The following KCNT2 variants were observed in gnomAD, a reference collection of about 807,000 sequenced individuals.
KCNT2 encodes potassium sodium-activated channel subfamily T member 2, also known as potassium channel subfamily T member 2.
KCNT2 carries 67 observed loss-of-function variants against 153.8 expected under a neutral mutation model. The observed-to-expected ratio is 0.44, with a 90% CI of 0.36 to 0.53. The LOEUF (loss-of-function observed/expected upper bound fraction) is 0.53, where lower values mean the gene tolerates loss of function less well. Ranked by LOEUF, KCNT2 falls within the 20% of genes least tolerant of loss-of-function variation. The probability of loss-of-function intolerance (pLI) is 0.00; values close to 1 mark genes in which losing one functional copy is unlikely to be tolerated. For missense variants in KCNT2, 975 were observed against 1,354.8 expected (o/e 0.72, Z 4.40); for synonymous variants, 500 against 458.8 (o/e 1.09, Z -1.15).
intron 22 of KCNT2, among the ~76,000 whole-genome samples, chr1:196,295,158 G>GTA (rs758203227): frequency 2.5e-4 from 38 of 151,154 alleles, no homozygotes; most frequent in African/African-American, 8.0e-4. Flanking sequence ...GTATATATGT[G>GTA]TATATATATA....
intron 1 of KCNT2, among the ~76,000 whole-genome samples, chr1:196,566,327 G>T (rs1180216525): frequency 6.6e-6 from 1 of 151,980 alleles, no homozygotes; most frequent in African/African-American, 2.4e-5. Flanking sequence ...GATTACATAG[G>T]CAATTTGGTG....
In KCNT2 at chr1:196,542,189, G is replaced by A. The variant is rs530708421; in HGVS notation, c.96-49848C>T. Among the ~76,000 whole-genome samples the A allele has an allele frequency of 2.0e-3, 305 of 152,166 alleles. 1 individual carries two copies. The highest frequency in any genetic ancestry group is 6.6e-3 in the African/African-American group (275 of 41,546). ...CATTTACACTAACCCAAAATCCGCC[G>A]AAAGTCTAGTAAGAGAATATAGTTT... On this transcript the variant is annotated intron_variant, in intron 1 of 27. Coordinates refer to ENST00000294725, the MANE Select transcript of KCNT2 (RefSeq NM_198503.5).
intron 13 of KCNT2, among the ~76,000 whole-genome samples, chr1:196,385,772 A>T (rs6657532): frequency 0.024 from 3,524 of 148,508 alleles, 136 homozygotes; most frequent in African/African-American, 0.081. Context: ...GCATTAAAAA[A>T]ATATATATAT....
chr1:196,325,028 T>C (rs1357401889), intron 19 of KCNT2, among the ~76,000 whole-genome samples: 6 of 152,036 alleles, frequency 3.9e-5, no homozygotes, highest in Non-Finnish European at 7.4e-5. Context: ...ATGGTGAAAA[T>C]GGAGACTTAG....
intron 1 of KCNT2, among the ~76,000 whole-genome samples, chr1:196,511,528 C>T (rs933564949): frequency 2.0e-5 from 3 of 152,122 alleles, no homozygotes; most frequent in African/African-American, 4.8e-5. Flanking sequence ...CATAATGAGA[C>T]TTATAATTAG....
intron 13 of KCNT2, among the ~76,000 whole-genome samples, chr1:196,377,585 C>T (rs189261930): frequency 6.6e-6 from 1 of 152,028 alleles, no homozygotes; most frequent in Non-Finnish European, 1.5e-5. Context: ...TGTTTGTTCA[C>T]AGCACCTTGC....
At chr1:196,261,475 A>G (rs1321228272) in intron 25 of KCNT2, among the ~76,000 whole-genome samples, 1 of 151,944 alleles carries the variant, frequency 6.6e-6, no homozygotes, top group Non-Finnish European at 1.5e-5. Flanking sequence ...ATAAATATTC[A>G]TATTTTATGG....
At chr1:196,468,291 T>C (rs1677785531) in intron 6 of KCNT2, among the ~76,000 whole-genome samples, 1 of 152,090 alleles carries the variant, frequency 6.6e-6, no homozygotes, top group African/African-American at 2.4e-5. Context: ...ATCACTCAAA[T>C]TAAAATAATT....
chr1:196,587,643 A>G (rs1217842494), intron 1 of KCNT2, among the ~76,000 whole-genome samples: 1 of 152,076 alleles, frequency 6.6e-6, no homozygotes, highest in Non-Finnish European at 1.5e-5. Context: ...AATAATCTAT[A>G]GACATATTTT....
intron 25 of KCNT2, among the ~76,000 whole-genome samples, chr1:196,266,154 A>G (rs1316891589): frequency 6.6e-6 from 1 of 152,168 alleles, no homozygotes; most frequent in Non-Finnish European, 1.5e-5. Flanking sequence ...AAAGGCAGGT[A>G]AGTTTGCTGA....
chr1:196,480,855 CAA>C (rs372270510), intron 4 of KCNT2, among the ~76,000 whole-genome samples: 254 of 26,780 alleles, frequency 9.5e-3, no homozygotes, highest in African/African-American at 0.03. Flanking sequence ...GACTTCGTCT[CAA>C]AAAAAAAAAA....
intron 1 of KCNT2, among the ~76,000 whole-genome samples, chr1:196,526,444 T>G (rs1373610975): frequency 2.6e-5 from 4 of 151,550 alleles, no homozygotes; most frequent in African/African-American, 9.7e-5. Context: ...AACCTTACCA[T>G]GTAGGTTTTT....
At chr1:196,285,378 T>C (rs1659559384) in intron 23 of KCNT2, among the ~76,000 whole-genome samples, 1 of 152,202 alleles carries the variant, frequency 6.6e-6, no homozygotes, top group African/African-American at 2.4e-5. Context: ...ATGCAAAATG[T>C]ACTAAAATGT....
chr1:196,550,713 C>A (rs1198949582), intron 1 of KCNT2, among the ~76,000 whole-genome samples: 2 of 151,788 alleles, frequency 1.3e-5, no homozygotes, highest in Non-Finnish European at 2.9e-5. Context: ...CTGTTTCTTA[C>A]TTCTGTTCCC....
intron 8 of KCNT2, among the ~76,000 whole-genome samples, chr1:196,456,973 G>T (rs1463953823): frequency 6.6e-6 from 1 of 151,824 alleles, no homozygotes; most frequent in South Asian, 2.1e-4. Context: ...TTCCTGAGAG[G>T]AATTCTTTGT....
At chr1:196,520,365 A>G (rs1006283715) in intron 1 of KCNT2, among the ~76,000 whole-genome samples, 14 of 152,154 alleles carry the variant, frequency 9.2e-5, no homozygotes, top group African/African-American at 3.4e-4. Context: ...AATAGGCAAA[A>G]GCTAGAAGCA....
At chr1:196,368,856 A>G (rs1156336724) in intron 14 of KCNT2, among the ~76,000 whole-genome samples, 1 of 152,130 alleles carries the variant, frequency 6.6e-6, no homozygotes, top group East Asian at 1.9e-4. Flanking sequence ...TTCCTACCAC[A>G]TTATGTCTTC....
At chr1:196,410,685 C>T (rs539270020) in intron 12 of KCNT2, among the ~76,000 whole-genome samples, 130 of 148,322 alleles carry the variant, frequency 8.8e-4, no homozygotes, top group African/African-American at 3.1e-3. Flanking sequence ...GTGCTTACTA[C>T]GCAATAAAAT....
At chr1:196,322,244 A>G (rs1372588224) in intron 19 of KCNT2, among the ~76,000 whole-genome samples, 1 of 151,974 alleles carries the variant, frequency 6.6e-6, no homozygotes, top group Non-Finnish European at 1.5e-5. Context: ...ATAGCTCATT[A>G]CAAACAGATT....
Sources: allele counts gnomAD v4.1 joint callset (sites outside exome capture counted in the v4.1 genomes callset), GRCh38; gene constraint gnomAD v4.1.1; transcripts MANE v1.5; gene names NCBI Gene and HGNC (gene_info 2026-07-23, HGNC 2026-07-21).